SLC26A8: variants seen among roughly 807,000 people sequenced by gnomAD.
SLC26A8 encodes solute carrier family 26 member 8.
In SLC26A8, 70 loss-of-function variants were observed where a neutral mutation model predicts 105.0. That is an observed-to-expected ratio of 0.67 (90% CI 0.55 to 0.81). The LOEUF (loss-of-function observed/expected upper bound fraction) is 0.81. SLC26A8 is among the 40% of genes least tolerant of loss of function. The pLI is 0.00. For missense variants in SLC26A8, 998 were observed against 1,181.8 expected (o/e 0.84, Z 2.28); for synonymous variants, 415 against 438.3 (o/e 0.95, Z 0.66).
At chr6:35,959,674 G>A (rs1581632747) in intron 15 of SLC26A8, 40 bp downstream of exon 15, 10 of 1,604,652 alleles carry the variant, frequency 6.2e-6, no homozygotes, top group African/African-American at 4.0e-5. Context: ...CAGTGGCGGG[G>A]AGTGGGCAGG....
intron 1 of SLC26A8, among the ~76,000 whole-genome samples, chr6:36,021,052 T>C (rs538668840): frequency 6.6e-6 from 1 of 152,324 alleles, no homozygotes; most frequent in South Asian, 2.1e-4. Context: ...ATTTCTTTCA[T>C]TTTACAGGTG....
chr6:35,949,591 A>G (rs1216094487), intron 19 of SLC26A8, among the ~76,000 whole-genome samples: 2 of 152,072 alleles, frequency 1.3e-5, no homozygotes, highest in Non-Finnish European at 2.9e-5. Context: ...TAAAAAGTAA[A>G]TATAATAAGA....
chr6:36,020,747 A>C (rs1204109376), intron 1 of SLC26A8, among the ~76,000 whole-genome samples: 1 of 152,260 alleles, frequency 6.6e-6, no homozygotes, highest in African/African-American at 2.4e-5. Context: ...TTTTTGAACA[A>C]TAAAAAAAGC....
intron 5 of SLC26A8, 142 bp downstream of exon 5, chr6:35,997,596 A>G: frequency 1.2e-6 from 1 of 814,266 alleles, no homozygotes; most frequent in South Asian, 2.1e-5. Context: ...CACGCTATTC[A>G]CACAGCCTCT....
intron 10 of SLC26A8, chr6:35,969,212 C>T (rs1052369234): frequency 2.3e-6 from 1 of 439,092 alleles, no homozygotes; most frequent in South Asian, 2.3e-5. Context: ...GCATTTGAAT[C>T]TTTACTGCCA....
At chr6:35,947,109 A>G (rs752708639) in intron 19 of SLC26A8, among the ~76,000 whole-genome samples, 5 of 151,942 alleles carry the variant, frequency 3.3e-5, no homozygotes, top group Non-Finnish European at 7.4e-5. Flanking sequence ...GCCCACTGCA[A>G]CCTCCGCTTC....
At position 35,992,509 on chromosome 6, in the gene SLC26A8, C is replaced by A; in HGVS notation, c.792+1G>T. On this transcript the variant is annotated splice_donor_variant, in intron 6 of 19. Coordinates refer to ENST00000490799, the MANE Select transcript of SLC26A8 (RefSeq NM_052961.4). LOFTEE classifies it high-confidence loss of function. The stretch of plus-strand genomic sequence containing the variant: ...TCTGGGTAAGAGTTGAAATTACTCA[C>A]ATAGAAGAAGGAGATGGGACCGGCA... 1.2e-6 allele frequency: 2 copies of A among 1,609,140 alleles called. No homozygotes were observed. Among genetic ancestry groups the A allele is most frequent in the Non-Finnish European group, 1.7e-6 (2 of 1,178,004 alleles).
At chr6:36,012,188 T>C in intron 3 of SLC26A8, 45 bp downstream of exon 3, 2 of 1,597,462 alleles carry the variant, frequency 1.3e-6, no homozygotes, top group Non-Finnish European at 1.7e-6. Context: ...GTGGACAAGG[T>C]CTGATACATT....
intron 19 of SLC26A8, among the ~76,000 whole-genome samples, chr6:35,950,535 T>G (rs1234425745): frequency 6.6e-6 from 1 of 152,034 alleles, no homozygotes; most frequent in Non-Finnish European, 1.5e-5. Flanking sequence ...TCTACCTGCC[T>G]CGGCCTCCCA....
chr6:35,962,784 A>G lies in SLC26A8; in HGVS notation c.1366-163T>C, dbSNP rs375857088. Among the ~76,000 whole-genome samples, 10 of 152,336 alleles carry G rather than the reference A, an allele frequency of 6.6e-5. No homozygotes were observed. In the South Asian group the frequency reaches 1.9e-3, roughly 28 times the overall value. On this transcript the variant is annotated intron_variant, in intron 11 of 19. Transcript: ENST00000490799. ...ATGTTCCAACTCATTGTCCAATCAA[A>G]TAAATTTTCTCTACGTTTCTCTTTT...
chr6:35,955,593 T>C, intron 16 of SLC26A8, 73 bp from the exon 17 acceptor site: 1 of 1,548,824 alleles, frequency 6.5e-7, no homozygotes, highest in Non-Finnish European at 8.7e-7. Context: ...AACGATGCTA[T>C]TTCTTGTCTC....
At chr6:36,011,639 G>C (rs906516604) in intron 3 of SLC26A8, among the ~76,000 whole-genome samples, 2 of 152,016 alleles carry the variant, frequency 1.3e-5, no homozygotes, top group Admixed American at 1.3e-4. Context: ...ACAGGGTCTT[G>C]CTTTGTTGCC....
chr6:35,998,091 A>C (rs1033466439), intron 4 of SLC26A8, among the ~76,000 whole-genome samples, 172 bp from the exon 5 acceptor site: 1 of 152,240 alleles, frequency 6.6e-6, no homozygotes, highest in African/African-American at 2.4e-5. Context: ...GTGTCTCCAC[A>C]TATTGTGACC....
At chr6:35,987,911 C>CT (rs34557500) in intron 7 of SLC26A8, among the ~76,000 whole-genome samples, 15,890 of 131,928 alleles carry the variant, frequency 0.12, 934 homozygotes, top group Middle Eastern at 0.15. Context: ...ACCTTTCTTT[C>CT]TTTTTTTTTT....
intron 3 of SLC26A8, among the ~76,000 whole-genome samples, chr6:36,000,718 T>C (rs1330080146): frequency 6.6e-6 from 1 of 152,204 alleles, no homozygotes; most frequent in Non-Finnish European, 1.5e-5. Flanking sequence ...TCCCTAAGAG[T>C]CTGTCCTCAA....
rs767772396 is a variant in SLC26A8 at position 35,951,267 on chromosome 6, C to T, written c.2368G>A (p.Asp790Asn). 2.5e-6 allele frequency: 4 copies of T among 1,614,114 alleles called. No homozygotes were observed. Among genetic ancestry groups the T allele is most frequent in the South Asian group, 1.1e-5 (1 of 91,076 alleles). The stretch of plus-strand genomic sequence containing the variant: ...CTTGACAAGGCAAACAGCACGGCGT[C>T]GTGAACGCTGAGGAACAGCTGGGTC... Reference protein sequence around the residue: ...TKTQLFLSVHDAVLFALSRKV... With the variant: ...TKTQLFLSVHNAVLFALSRKV... Residue 790 changes from aspartate (D) to asparagine (N), a missense_variant, in exon 19 of 20, where the codon GAC becomes AAC. Physicochemically the swap from Asp to Asn is conservative, Grantham distance 23. Transcript: ENST00000490799.
intron 5 of SLC26A8, among the ~76,000 whole-genome samples, chr6:35,994,714 T>C (rs1761300232): frequency 6.6e-6 from 1 of 152,112 alleles, no homozygotes; most frequent in Non-Finnish European, 1.5e-5. Context: ...TAGCTGGGAT[T>C]ACAGGTGCCC....
Position 35,949,649 on chromosome 6 carries a change from C to T in SLC26A8, c.2472+1514G>A, listed in dbSNP as rs373866177. Among the ~76,000 whole-genome samples the T allele has an allele frequency of 4.0e-5, 6 of 151,672 alleles. No homozygotes were observed. In the East Asian group the frequency reaches 7.7e-4, roughly 19 times the overall value. On this transcript the variant is annotated intron_variant, in intron 19 of 19. Coordinates refer to ENST00000490799, the MANE Select transcript of SLC26A8 (RefSeq NM_052961.4). ...ACTAAATATGTAAAAACAAATATAT[C>T]GAGTATCATAATTATAAATTAAAAA...
intron 3 of SLC26A8, among the ~76,000 whole-genome samples, chr6:36,006,457 CCTA>C (rs1761689058): frequency 1.3e-5 from 2 of 152,108 alleles, no homozygotes; most frequent in African/African-American, 4.8e-5. Flanking sequence ...CTTTTGAGTA[CCTA>C]CTATGTGCTA....
Sources: gnomAD v4.1 joint callset for allele counts (sites outside exome capture counted in the v4.1 genomes callset) on GRCh38, gnomAD v4.1.1 for gene constraint, MANE v1.5 for transcripts, NCBI Gene and HGNC (gene_info 2026-07-23, HGNC 2026-07-21) for gene names.